OTULINL: variants seen among roughly 807,000 people sequenced by gnomAD.
OTULINL encodes the protein OTU deubiquitinase with linear linkage specificity like, also known as inactive ubiquitin thioesterase OTULINL.
Under a neutral mutation model 43.9 loss-of-function variants are expected in OTULINL, and 42 were observed. The observed-to-expected ratio is 0.96, with a 90% CI of 0.75 to 1.24. The LOEUF (loss-of-function observed/expected upper bound fraction) is 1.24. Ranked by LOEUF, OTULINL falls within the 50% of genes most tolerant of loss-of-function variation. The probability of loss-of-function intolerance (pLI) is 0.00; values close to 1 mark genes in which losing one functional copy is unlikely to be tolerated. For synonymous variants in OTULINL, 172 were observed against 153.6 expected (o/e 1.12, Z -0.88); for missense variants, 411 against 426.4 (o/e 0.96, Z 0.32).
intron 5 of OTULINL, 105 bp from the exon 6 acceptor site, chr5:14,607,225 A>G (rs150287829): frequency 3.2e-6 from 4 of 1,255,084 alleles, no homozygotes; most frequent in Admixed American, 2.3e-5. Context: ...GTGAGATTCC[A>G]TCTCGAAAAA....
intron 1 of OTULINL, 139 bp downstream of exon 1, chr5:14,582,097 C>T (rs1579911268): frequency 3.8e-6 from 2 of 531,392 alleles, no homozygotes; most frequent in Admixed American, 5.1e-5. Flanking sequence ...TCCTGGAGCC[C>T]GGGAGCTGGA....
chr5:14,615,032 G>GT lies in OTULINL; in HGVS notation c.*4719dup. The GT allele has an allele frequency of 3.2e-6, 1 of 317,174 alleles. No homozygotes were observed. The highest frequency in any genetic ancestry group is 5.0e-5 in the East Asian group (1 of 20,076). 19.6% of individuals were successfully genotyped at this position (317,174 alleles called of 1,614,324 possible). On this transcript the variant is annotated 3_prime_UTR_variant, in exon 8 of 8. Coordinates refer to ENST00000274217, the MANE Select transcript of OTULINL (RefSeq NM_019018.3). Reference sequence around the variant, plus strand: ...ATTTTCATCGTAGTCTAGATGGGCTGTAAAACCCATTTCCACACGAGTATA... The same window carrying GT: ...ATTTTCATCGTAGTCTAGATGGGCTGTTAAAACCCATTTCCACACGAGTATA...
At position 14,613,084 on chromosome 5, in the gene OTULINL, G is replaced by A. The variant is rs1431212100; in HGVS notation, c.*2770G>A. On this transcript the variant is annotated 3_prime_UTR_variant, in exon 8 of 8. Coordinates refer to ENST00000274217, the MANE Select transcript of OTULINL (RefSeq NM_019018.3). ...ATTACAGGTGCCCACCACTACGCTC[G>A]ACTAATTTTTTGTGTTTTTAGTAGA... Among the ~76,000 whole-genome samples the A allele has an allele frequency of 1.3e-5, 2 of 152,044 alleles. No individual in the cohort carries two copies. Among genetic ancestry groups the A allele is most frequent in the South Asian group, 2.1e-4 (1 of 4,814 alleles).
At chr5:14,582,933 T>A (rs866579807) in intron 1 of OTULINL, among the ~76,000 whole-genome samples, 5 of 151,508 alleles carry the variant, frequency 3.3e-5, no homozygotes. Flanking sequence ...GGTCCTCTCC[T>A]AACCAGCCCC....
At chr5:14,585,964 A>G (rs555579904) in intron 1 of OTULINL, among the ~76,000 whole-genome samples, 1 of 152,186 alleles carries the variant, frequency 6.6e-6, no homozygotes, top group African/African-American at 2.4e-5. Flanking sequence ...GTTTGAGACA[A>G]CTCTTGCAGG....
At position 14,600,988 on chromosome 5, in the gene OTULINL, ATG is replaced by A; in HGVS notation, c.89_90del (p.Met30ThrfsTer65). 1 of 1,505,150 alleles carries A rather than the reference ATG, an allele frequency of 6.6e-7. No individual in the cohort carries two copies. Among genetic ancestry groups the A allele is most frequent in the East Asian group, 2.4e-5 (1 of 41,324 alleles). The allele number at this position is 1,505,150 out of a possible 1,614,324, so 93.2% of individuals were successfully genotyped here. On this transcript the variant is annotated frameshift_variant, in exon 2 of 8. Transcript: ENST00000274217. LOFTEE classifies it high-confidence loss of function. ...AAGSDQVHSW[M>X]LATSQALDTV... ...AGGAAGTGACCAAGTTCACTCCTGGATGCTAGCTACAAGCCAAGCCTTAGACA... is the reference window on the plus strand; with the variant it reads ...AGGAAGTGACCAAGTTCACTCCTGGACTAGCTACAAGCCAAGCCTTAGACA...
At chr5:14,600,832 ATATT>A (rs1759372081) in intron 1 of OTULINL, 129 bp from the exon 2 acceptor site, 2 of 834,658 alleles carry the variant, frequency 2.4e-6, no homozygotes, top group Non-Finnish European at 3.3e-6. Flanking sequence ...TACTTTAAAA[ATATT>A]TATGTAAATC....
intron 7 of OTULINL, among the ~76,000 whole-genome samples, chr5:14,609,590 A>G (rs1421785160): frequency 6.7e-6 from 1 of 150,242 alleles, no homozygotes; most frequent in Non-Finnish European, 1.5e-5. Flanking sequence ...TTATTTTTTC[A>G]CTAATTTTTT....
At chr5:14,602,550 C>G (rs1759407064) in intron 5 of OTULINL, among the ~76,000 whole-genome samples, 1 of 152,170 alleles carries the variant, frequency 6.6e-6, no homozygotes, top group South Asian at 2.1e-4. Context: ...ATTCTCCTAT[C>G]TCAGCCTCCT....
Position 14,603,856 on chromosome 5 carries a change from T to A in OTULINL, c.498+1524T>A, listed in dbSNP as rs369424938. On this transcript the variant is annotated intron_variant, in intron 5 of 7. Coordinates refer to ENST00000274217, the MANE Select transcript of OTULINL (RefSeq NM_019018.3). ...GTATGTCTAATATAGGAACTACATT[T>A]AAGGATAGAGGTGCAAAGAAATATA... Among the ~76,000 whole-genome samples, 13 of 152,316 alleles carry A rather than the reference T, an allele frequency of 8.5e-5. No homozygotes were observed. The East Asian group carries it at 1.2e-3, about 14-fold the overall frequency.
At position 14,610,387 on chromosome 5, in the gene OTULINL, C is replaced by T; in HGVS notation, c.*73C>T. ...GTTGCAATAAAGTCTCTCTCTGAAA[C>T]CAAAGCTAGCATTTCAGCATGGAAG... On this transcript the variant is annotated 3_prime_UTR_variant, in exon 8 of 8. Transcript: ENST00000274217. 6.8e-7 allele frequency: 1 copy of T among 1,480,820 alleles called. No individual in the cohort carries two copies. The highest frequency in any genetic ancestry group is 9.3e-7 in the Non-Finnish European group (1 of 1,078,004). The allele number at this position is 1,480,820 out of a possible 1,614,324, so 91.7% of individuals were successfully genotyped here.
intron 6 of OTULINL, among the ~76,000 whole-genome samples, chr5:14,607,699 G>A (rs575835938): frequency 1.3e-5 from 2 of 152,266 alleles, no homozygotes; most frequent in South Asian, 2.1e-4. Flanking sequence ...TCTATGGGCC[G>A]GCCTTTAAAC....
chr5:14,588,961 A>G (rs548731444), intron 1 of OTULINL, among the ~76,000 whole-genome samples: 2 of 152,324 alleles, frequency 1.3e-5, no homozygotes, highest in South Asian at 4.1e-4. Context: ...TCAGGGCTTA[A>G]TCTCGATGGG....
At chr5:14,589,080 G>A (rs190192742) in intron 1 of OTULINL, among the ~76,000 whole-genome samples, 1 of 152,272 alleles carries the variant, frequency 6.6e-6, no homozygotes, top group East Asian at 1.9e-4. Flanking sequence ...TGTATTAACT[G>A]TCTATTGTGT....
chr5:14,606,799 C>T (rs1759488479), intron 5 of OTULINL, among the ~76,000 whole-genome samples: 1 of 152,134 alleles, frequency 6.6e-6, no homozygotes, highest in Admixed American at 6.5e-5. Flanking sequence ...AAGATTGTTT[C>T]TATGGACACA....
intron 2 of OTULINL, 37 bp downstream of exon 2, chr5:14,601,161 CTT>C: frequency 6.2e-7 from 1 of 1,611,598 alleles, no homozygotes; most frequent in Non-Finnish European, 8.5e-7. Context: ...TCAAATGTAT[CTT>C]TACTATTCAA....
intron 1 of OTULINL, among the ~76,000 whole-genome samples, chr5:14,597,035 C>G (rs1224734591): frequency 6.6e-6 from 1 of 152,158 alleles, no homozygotes; most frequent in East Asian, 1.9e-4. Flanking sequence ...TAGTATATCA[C>G]ATTGCTCCTG....
rs766134905 is a variant in OTULINL at position 14,610,573 on chromosome 5, A to G, written c.*259A>G. The G allele has an allele frequency of 8.7e-6, 3 of 345,480 alleles. No individual in the cohort carries two copies. Among genetic ancestry groups the G allele is most frequent in the South Asian group, 6.4e-5 (1 of 15,644 alleles). 21.4% of individuals were successfully genotyped at this position (345,480 alleles called of 1,614,324 possible). ...ATAAGGGGCGTGGCCACTTCACATGATGGCGGGCCTTTAAGAGCACAAAGA... is the reference window on the plus strand; with the variant it reads ...ATAAGGGGCGTGGCCACTTCACATGGTGGCGGGCCTTTAAGAGCACAAAGA... On this transcript the variant is annotated 3_prime_UTR_variant, in exon 8 of 8. Transcript: ENST00000274217.
rs749165382 is a variant in OTULINL, at chr5:14,610,356, G to A, written c.*42G>A. On this transcript the variant is annotated 3_prime_UTR_variant, in exon 8 of 8. Transcript: ENST00000274217. ...ACAGCAGTGCTCACCAGTGACGGTG[G>A]TCACAGTTGCAATAAAGTCTCTCTC... The A allele has an allele frequency of 6.3e-7, 1 of 1,589,024 alleles. No individual in the cohort carries two copies. Among genetic ancestry groups the A allele is most frequent in the Admixed American group, 1.7e-5 (1 of 57,222 alleles).
Sources: allele counts gnomAD v4.1 joint callset (sites outside exome capture counted in the v4.1 genomes callset), GRCh38; gene constraint gnomAD v4.1.1; transcripts MANE v1.5; gene names NCBI Gene and HGNC (gene_info 2026-07-23, HGNC 2026-07-21).